PGM1: variants seen among roughly 807,000 people sequenced by gnomAD.
PGM1 encodes phosphoglucomutase-1.
In PGM1, 52 loss-of-function variants were observed where a neutral mutation model predicts 55.6. The ratio of observed to expected loss-of-function variants is 0.94; its 90% CI spans 0.75 to 1.18. PGM1 has a LOEUF of 1.18. Ranked by LOEUF, PGM1 falls within the 50% of genes most tolerant of loss-of-function variation. The pLI is 0.00. For synonymous variants in PGM1, 287 were observed against 271.7 expected, an observed-to-expected ratio of 1.06 and a Z score of -0.55; for missense variants, 724 against 729.3, an observed-to-expected ratio of 0.99 and a Z score of 0.08.
chr1:63,634,948 T>TGACCCC lies in PGM1; in HGVS notation c.802_803insGACCCC (p.Tyr268delinsTer), dbSNP rs1316783855. ...CCACCACCCTGACCCCAACCTCACC[T>TGACCCC]ATGCAGCTGACCTGGTGGAGACCAT... On this transcript the variant is annotated stop_gained, in exon 5 of 11. Coordinates refer to ENST00000371084, the MANE Select transcript of PGM1 (RefSeq NM_002633.3). LOFTEE classifies it high-confidence loss of function. The TGACCCC allele has an allele frequency of 6.2e-7, 1 of 1,613,972 alleles. No homozygotes were observed. Among genetic ancestry groups the TGACCCC allele is most frequent in the Non-Finnish European group, 8.5e-7 (1 of 1,180,014 alleles).
intron 1 of PGM1, among the ~76,000 whole-genome samples, chr1:63,605,070 A>G (rs1262536946): frequency 6.6e-6 from 1 of 152,092 alleles, no homozygotes; most frequent in African/African-American, 2.4e-5. Context: ...CTGTCCTGGC[A>G]GTGGAGTAGG....
intron 4 of PGM1, among the ~76,000 whole-genome samples, chr1:63,633,816 C>T (rs1475419941): frequency 4.7e-5 from 7 of 148,528 alleles, no homozygotes; most frequent in Non-Finnish European, 7.4e-5. Flanking sequence ...TACAGGCGCC[C>T]GCCACCAGGC....
At chr1:63,634,802 C>T in intron 4 of PGM1, 27 bp from the exon 5 acceptor site, 1 of 1,584,818 alleles carries the variant, frequency 6.3e-7, no homozygotes, top group South Asian at 1.1e-5. Flanking sequence ...TCTGATTCTG[C>T]ATACATTTAT....
chr1:63,660,159 G>C lies in PGM1; in HGVS notation c.*484G>C, dbSNP rs755055776. 1 of 172,408 alleles carries C rather than the reference G, an allele frequency of 5.8e-6. No homozygotes were observed. The highest frequency in any genetic ancestry group is 1.3e-5 in the Non-Finnish European group (1 of 78,494). 10.7% of individuals were successfully genotyped at this position (172,408 alleles called of 1,614,324 possible). A position where few individuals can be genotyped will look rare whatever the true frequency, so the allele number is the denominator to read the frequency against. The stretch of plus-strand genomic sequence containing the variant: ...ATCAGTTCTTTCCTCTGAGTGAGAC[G>C]TACTTGGCTACAGATTTCTGCCTTG... On this transcript the variant is annotated 3_prime_UTR_variant, in exon 11 of 11. Coordinates refer to ENST00000371084, the MANE Select transcript of PGM1 (RefSeq NM_002633.3).
chr1:63,629,657 G>A, intron 2 of PGM1, 70 bp downstream of exon 2: 4 of 1,465,896 alleles, frequency 2.7e-6, no homozygotes, highest in South Asian at 1.1e-5. Context: ...CTGGAGCCTT[G>A]GGAGACCAGG....
chr1:63,639,207 A>G (rs578034568), intron 7 of PGM1, among the ~76,000 whole-genome samples: 9 of 152,312 alleles, frequency 5.9e-5, no homozygotes, highest in Non-Finnish European at 1.2e-4. Flanking sequence ...GTTTCAGCAC[A>G]GCATTAAATC....
chr1:63,607,791 C>T (rs1648463865), intron 1 of PGM1, among the ~76,000 whole-genome samples: 1 of 152,142 alleles, frequency 6.6e-6, no homozygotes, highest in African/African-American at 2.4e-5. Context: ...TTTGAAACTC[C>T]TCTATGGGAA....
intron 10 of PGM1, among the ~76,000 whole-genome samples, chr1:63,655,548 A>G (rs958943792): frequency 3.9e-5 from 6 of 152,220 alleles, no homozygotes; most frequent in African/African-American, 1.2e-4. Flanking sequence ...AGGGTGGGAC[A>G]GTGAACTTGA....
At chr1:63,655,288 T>C (rs780636642) in intron 10 of PGM1, among the ~76,000 whole-genome samples, 7 of 152,178 alleles carry the variant, frequency 4.6e-5, no homozygotes, top group Non-Finnish European at 1.0e-4. Context: ...CCCAGGATAA[T>C]TGGTCTTTAA....
chr1:63,647,408 T>C (rs115017813), intron 7 of PGM1, among the ~76,000 whole-genome samples: 5,951 of 147,706 alleles, frequency 0.04, 395 homozygotes, highest in African/African-American at 0.14. Flanking sequence ...TCCATAGTAG[T>C]TTTACACTAT....
intron 5 of PGM1, 138 bp from the exon 6 acceptor site, chr1:63,636,096 A>G: frequency 1.2e-6 from 1 of 843,974 alleles, no homozygotes; most frequent in East Asian, 2.6e-5. Flanking sequence ...AATAAAACCC[A>G]GTGTTAAAAA....
chr1:63,637,417 G>T lies in PGM1; in HGVS notation c.1028+1029G>T, dbSNP rs1454851399. Among the ~76,000 whole-genome samples, 3 of 152,334 alleles carry T rather than the reference G, an allele frequency of 2.0e-5. No homozygotes were observed. The East Asian group carries it at 5.8e-4, about 29-fold the overall frequency. On this transcript the variant is annotated intron_variant, in intron 6 of 10. Transcript: ENST00000371084. Reference sequence around the variant, plus strand: ...TCACTGGGCCATGCAGTTGTTTTCTGTAGAGGGGAGATGGTTATAGAATTG... The same window carrying T: ...TCACTGGGCCATGCAGTTGTTTTCTTTAGAGGGGAGATGGTTATAGAATTG...
At chr1:63,608,206 G>A (rs947446531) in intron 1 of PGM1, among the ~76,000 whole-genome samples, 24 of 152,228 alleles carry the variant, frequency 1.6e-4, no homozygotes, top group African/African-American at 5.8e-4. Flanking sequence ...TTGACCTGTA[G>A]AGAGGAGCTT....
intron 5 of PGM1, among the ~76,000 whole-genome samples, chr1:63,635,304 G>T (rs544129004): frequency 6.6e-6 from 1 of 152,252 alleles, no homozygotes; most frequent in East Asian, 1.9e-4. Context: ...AGCTGGGTGA[G>T]TTCTAGATGC....
intron 1 of PGM1, among the ~76,000 whole-genome samples, chr1:63,597,412 C>G (rs754353578): frequency 1.3e-5 from 2 of 152,272 alleles, no homozygotes; most frequent in Non-Finnish European, 2.9e-5. Context: ...AACATATTTA[C>G]AAGTACCTCA....
chr1:63,603,380 T>G (rs887062368), intron 1 of PGM1, among the ~76,000 whole-genome samples: 2 of 152,112 alleles, frequency 1.3e-5, no homozygotes, highest in African/African-American at 4.8e-5. Context: ...GTATGTGGAG[T>G]AGGGAAGTGC....
At chr1:63,633,754 G>A (rs889077869) in intron 4 of PGM1, among the ~76,000 whole-genome samples, 4 of 150,052 alleles carry the variant, frequency 2.7e-5, no homozygotes, top group African/African-American at 7.3e-5. Context: ...TGTAACCTCC[G>A]CCTCCGAAGT....
chr1:63,621,135 G>A (rs1316178648), intron 1 of PGM1, among the ~76,000 whole-genome samples: 1 of 152,088 alleles, frequency 6.6e-6, no homozygotes, highest in Non-Finnish European at 1.5e-5. Context: ...TAGAATAGAA[G>A]CTTTTCTAGG....
At chr1:63,628,863 G>T (rs776739205) in intron 1 of PGM1, among the ~76,000 whole-genome samples, 2 of 152,150 alleles carry the variant, frequency 1.3e-5, no homozygotes, top group Admixed American at 1.3e-4. Context: ...AGAAGTAGGT[G>T]TGTCTTGCTT....
Sources: allele counts gnomAD v4.1 joint callset (sites outside exome capture counted in the v4.1 genomes callset), GRCh38; gene constraint gnomAD v4.1.1; transcripts MANE v1.5; gene names NCBI Gene and HGNC (gene_info 2026-07-23, HGNC 2026-07-21).